The following TAFA4 variants were observed in gnomAD, a reference collection of about 807,000 sequenced individuals.
TAFA4 encodes the protein chemokine-like protein TAFA-4.
In TAFA4, 20 loss-of-function variants were observed where a neutral mutation model predicts 21.1. That is an observed-to-expected ratio of 0.95 (90% CI 0.67 to 1.38). The LOEUF is 1.38. Among genes scored for constraint, TAFA4 ranks in the 40% most tolerant of loss-of-function variants. The pLI, the probability that TAFA4 is intolerant of heterozygous loss-of-function variation, is 0.00. For synonymous variants in TAFA4, 71 were observed against 67.4 expected (o/e 1.05, Z -0.26); for missense variants, 211 against 180.9 (o/e 1.17, Z -0.95).
chr3:68,804,601 A>C (rs1173091443), intron 3 of TAFA4, among the ~76,000 whole-genome samples: 2 of 152,236 alleles, frequency 1.3e-5, no homozygotes, highest in African/African-American at 4.8e-5. Context: ...GTACCAAAAC[A>C]GAGATATAGA....
chr3:68,877,150 G>T (rs13070517), intron 3 of TAFA4, among the ~76,000 whole-genome samples: 45,677 of 151,784 alleles, frequency 0.3, 7,810 homozygotes, highest in Middle Eastern at 0.42. Flanking sequence ...CTTGAGGTCA[G>T]GAGTTCGAGA....
chr3:68,827,289 T>G (rs58844873), intron 3 of TAFA4, among the ~76,000 whole-genome samples: 33,926 of 152,074 alleles, frequency 0.22, 4,868 homozygotes, highest in East Asian at 0.71. Flanking sequence ...CTATTATTGA[T>G]GGACATTTGG....
At chr3:68,739,635 A>G (rs1285395636) in intron 4 of TAFA4, among the ~76,000 whole-genome samples, 1 of 152,214 alleles carries the variant, frequency 6.6e-6, no homozygotes, top group Non-Finnish European at 1.5e-5. Flanking sequence ...GTGTCCATCA[A>G]TGGAGGACGG....
intron 3 of TAFA4, among the ~76,000 whole-genome samples, chr3:68,774,511 G>C (rs570391142): frequency 6.6e-6 from 1 of 152,270 alleles, no homozygotes; most frequent in East Asian, 1.9e-4. Context: ...TGGAATATCA[G>C]TAAATGTTGA....
chr3:68,846,551 G>C (rs1339015501), intron 3 of TAFA4, among the ~76,000 whole-genome samples: 1 of 152,012 alleles, frequency 6.6e-6, no homozygotes, highest in Non-Finnish European at 1.5e-5. Context: ...ATCCAGTTTT[G>C]TTCCGTTGCT....
intron 1 of TAFA4, among the ~76,000 whole-genome samples, chr3:68,900,500 C>A (rs1192731721): frequency 6.6e-6 from 1 of 152,048 alleles, no homozygotes; most frequent in Non-Finnish European, 1.5e-5. Context: ...TCCTACTCAT[C>A]CTTCATATCT....
At chr3:68,887,810 C>T (rs954770035) in intron 1 of TAFA4, among the ~76,000 whole-genome samples, 6 of 152,134 alleles carry the variant, frequency 3.9e-5, no homozygotes, top group African/African-American at 1.4e-4. Context: ...AAGGTGCTAG[C>T]TTTCCTGAAA....
At chr3:68,897,170 G>C (rs139577802) in intron 1 of TAFA4, among the ~76,000 whole-genome samples, 1 of 151,818 alleles carries the variant, frequency 6.6e-6, no homozygotes, top group Non-Finnish European at 1.5e-5. Context: ...CCAAAGTGCT[G>C]GGATTACAGG....
intron 3 of TAFA4, among the ~76,000 whole-genome samples, chr3:68,771,913 G>A (rs1016413393): frequency 2.0e-5 from 3 of 152,174 alleles, no homozygotes; most frequent in Non-Finnish European, 4.4e-5. Flanking sequence ...GTAACCAAGA[G>A]AATTGCTTCT....
intron 3 of TAFA4, among the ~76,000 whole-genome samples, chr3:68,808,372 T>A (rs1045716480): frequency 6.6e-6 from 1 of 152,196 alleles, no homozygotes; most frequent in Non-Finnish European, 1.5e-5. Context: ...ATCATAACAG[T>A]TGTCCTAGAA....
At chr3:68,793,601 G>T (rs1316800793) in intron 3 of TAFA4, among the ~76,000 whole-genome samples, 1 of 152,164 alleles carries the variant, frequency 6.6e-6, no homozygotes, top group Non-Finnish European at 1.5e-5. Context: ...GCTCTCTCCT[G>T]TAACAGTTAA....
chr3:68,846,698 CT>C (rs1293530003), intron 3 of TAFA4, among the ~76,000 whole-genome samples: 2 of 152,106 alleles, frequency 1.3e-5, no homozygotes, highest in East Asian at 3.9e-4. Context: ...TTTGGATGGG[CT>C]TTCTGTGTGG....
At chr3:68,787,566 C>T (rs1180831058) in intron 3 of TAFA4, among the ~76,000 whole-genome samples, 3 of 152,144 alleles carry the variant, frequency 2.0e-5, no homozygotes, top group African/African-American at 4.8e-5. Context: ...GAACGTCCAT[C>T]GGCATCACGG....
chr3:68,909,314 G>A (rs2089933229), intron 1 of TAFA4, among the ~76,000 whole-genome samples: 1 of 152,196 alleles, frequency 6.6e-6, no homozygotes, highest in Admixed American at 6.5e-5. Flanking sequence ...TACAGTAAGA[G>A]AATATCCATG....
intron 1 of TAFA4, among the ~76,000 whole-genome samples, chr3:68,889,047 A>G (rs1575659418): frequency 6.6e-6 from 1 of 152,232 alleles, no homozygotes; most frequent in East Asian, 1.9e-4. Context: ...TCCCAACTAT[A>G]ACACAGTCCT....
At chr3:68,887,721 A>C (rs2089687302) in intron 1 of TAFA4, among the ~76,000 whole-genome samples, 1 of 151,908 alleles carries the variant, frequency 6.6e-6, no homozygotes, top group African/African-American at 2.4e-5. Context: ...GCTGCATTGG[A>C]ATTTGGGGAG....
At chr3:68,775,536 A>G (rs1439931261) in intron 3 of TAFA4, among the ~76,000 whole-genome samples, 4 of 152,168 alleles carry the variant, frequency 2.6e-5, no homozygotes, top group Non-Finnish European at 1.5e-5. Context: ...ACTTATTCAC[A>G]AGCTACTCCA....
chr3:68,747,645 C>T (rs1431800308), intron 4 of TAFA4, among the ~76,000 whole-genome samples: 1 of 152,168 alleles, frequency 6.6e-6, no homozygotes, highest in Non-Finnish European at 1.5e-5. Context: ...CACACACATG[C>T]ATGCTCGCAC....
At chr3:68,797,771 G>T (rs1703481497) in intron 3 of TAFA4, among the ~76,000 whole-genome samples, 1 of 152,128 alleles carries the variant, frequency 6.6e-6, no homozygotes, top group Non-Finnish European at 1.5e-5. Flanking sequence ...AAGTAGAACG[G>T]TGGTTGTCAG....
Sources: gnomAD v4.1 joint callset for allele counts (sites outside exome capture counted in the v4.1 genomes callset) on GRCh38, gnomAD v4.1.1 for gene constraint, MANE v1.5 for transcripts, NCBI Gene and HGNC (gene_info 2026-07-23, HGNC 2026-07-21) for gene names.